The following STAU2 variants were observed in gnomAD, a reference collection of about 807,000 sequenced individuals.
The protein encoded by STAU2 is double-stranded RNA-binding protein Staufen homolog 2.
In STAU2, 20 loss-of-function variants were observed where a neutral mutation model predicts 65.9. That is an observed-to-expected ratio of 0.30 (90% CI 0.21 to 0.44). The LOEUF (loss-of-function observed/expected upper bound fraction) is 0.44. Among genes scored for constraint, STAU2 ranks in the 20% least tolerant of loss-of-function variants. The pLI is 1.00. For missense variants in STAU2, 558 were observed against 683.9 expected (o/e 0.82, Z 2.05); for synonymous variants, 232 against 233.9 (o/e 0.99, Z 0.07).
At chr8:73,747,257 C>T, upstream of STAU2, 2 of 1,123,832 alleles carry the variant, frequency 1.8e-6, no homozygotes, top group Non-Finnish European at 1.2e-6. Context: ...CGACTCCCCG[C>T]CCCCTCGTCT....
intron 13 of STAU2, among the ~76,000 whole-genome samples, chr8:73,436,832 C>A (rs1817733347): frequency 6.6e-6 from 1 of 151,982 alleles, no homozygotes; most frequent in African/African-American, 2.4e-5. Context: ...GGTGATCTGC[C>A]CGCCTCAACC....
At chr8:73,744,386 C>A (rs1247790243) in intron 1 of STAU2, among the ~76,000 whole-genome samples, 1 of 151,094 alleles carries the variant, frequency 6.6e-6, no homozygotes, top group Non-Finnish European at 1.5e-5. Context: ...TAGAGTTTTC[C>A]CTCTTTATTA....
intron 12 of STAU2, among the ~76,000 whole-genome samples, chr8:73,557,001 T>C (rs1244111592): frequency 6.7e-6 from 1 of 148,464 alleles, no homozygotes; most frequent in African/African-American, 2.5e-5. Context: ...TTTTACTATC[T>C]GCATAAACAT....
chr8:73,568,048 A>G (rs1442447986), intron 12 of STAU2, among the ~76,000 whole-genome samples: 4 of 152,196 alleles, frequency 2.6e-5, no homozygotes, highest in Non-Finnish European at 5.9e-5. Flanking sequence ...TTTTAGGGAA[A>G]CTATCTGCAC....
chr8:73,741,373 A>G (rs138800622), intron 1 of STAU2, among the ~76,000 whole-genome samples: 9 of 152,134 alleles, frequency 5.9e-5, no homozygotes, highest in African/African-American at 2.2e-4. Context: ...CTTTATTAGT[A>G]TACGTTGCTA....
At chr8:73,516,882 T>C (rs1488511404) in intron 13 of STAU2, among the ~76,000 whole-genome samples, 1 of 152,214 alleles carries the variant, frequency 6.6e-6, no homozygotes, top group African/African-American at 2.4e-5. Flanking sequence ...GCAACAGTTT[T>C]CCACTATAAC....
chr8:73,442,987 G>A (rs1818272966), intron 13 of STAU2, among the ~76,000 whole-genome samples: 1 of 152,108 alleles, frequency 6.6e-6, no homozygotes, highest in Admixed American at 6.6e-5. Flanking sequence ...TATAAATTTG[G>A]GGCAAAATGT....
chr8:73,595,431 TAAGA>T lies in STAU2; in HGVS notation c.1030-138_1030-135del, dbSNP rs568840010. 217 of 722,956 alleles carry T rather than the reference TAAGA, an allele frequency of 3.0e-4. 2 individuals are homozygous for T. In the East Asian group the frequency reaches 5.1e-3, roughly 17 times the overall value. The allele number at this position is 722,956 out of a possible 1,614,324, so 44.8% of individuals were successfully genotyped here. On this transcript the variant is annotated intron_variant, in intron 10 of 14. Transcript: ENST00000524300. Reference sequence around the variant, plus strand: ...TTCAGTCCAAAGTAAAAATGGCAACTAAGATAACATTTATGTAATGTTGTATATG... The same window carrying T: ...TTCAGTCCAAAGTAAAAATGGCAACTTAACATTTATGTAATGTTGTATATG...
chr8:73,639,655 C>T (rs1476937750), intron 6 of STAU2, among the ~76,000 whole-genome samples: 1 of 152,094 alleles, frequency 6.6e-6, no homozygotes, highest in Non-Finnish European at 1.5e-5. Flanking sequence ...ACCGTAGAGG[C>T]TCCTACATAT....
At chr8:73,658,519 A>C (rs185974294) in intron 6 of STAU2, among the ~76,000 whole-genome samples, 2 of 152,364 alleles carry the variant, frequency 1.3e-5, no homozygotes, top group East Asian at 3.9e-4. Context: ...CCCAGAATTT[A>C]TTAGACACAA....
At chr8:73,688,943 T>C (rs1276300635) in intron 4 of STAU2, 130 bp from the exon 5 acceptor site, 1 of 1,048,180 alleles carries the variant, frequency 9.5e-7, no homozygotes, top group African/African-American at 1.6e-5. Context: ...CTACAGATCA[T>C]CTGCAACAAA....
chr8:73,700,766 A>G (rs1356184514), intron 4 of STAU2, among the ~76,000 whole-genome samples: 1 of 152,192 alleles, frequency 6.6e-6, no homozygotes, highest in African/African-American at 2.4e-5. Context: ...GAAATAGGAA[A>G]AACAATTCTA....
At chr8:73,651,939 T>C (rs1272084273) in intron 6 of STAU2, among the ~76,000 whole-genome samples, 1 of 152,218 alleles carries the variant, frequency 6.6e-6, no homozygotes, top group Non-Finnish European at 1.5e-5. Flanking sequence ...CTGGAGAATA[T>C]ATTTATTAAA....
Position 73,603,841 on chromosome 8 carries a change from C to G in STAU2, c.914G>C (p.Gly305Ala). The part of the protein sequence containing the change: ...IVKAGPEYGQ[G>A]MNPISRLAQI... ...CGCCAGGCGGCTAATAGGGTTCATC[C>G]CTTGGCCATATTCTGGTCCGGCCTA... is the stretch of plus-strand genomic sequence containing the variant. The change falls in exon 10 of 15, where the codon GGG becomes GCG. Residue 305 changes from glycine (G) to alanine (A), a missense_variant. By Grantham distance (60) the Gly-to-Ala change is moderately conservative. Coordinates refer to ENST00000524300, the MANE Select transcript of STAU2 (RefSeq NM_001164380.2). The G allele has an allele frequency of 6.2e-7, 1 of 1,609,852 alleles. No homozygotes were observed. Among genetic ancestry groups the G allele is most frequent in the Non-Finnish European group, 8.5e-7 (1 of 1,179,102 alleles).
rs181404823 is a variant in STAU2 at position 73,610,573 on chromosome 8, G to A, written c.891+3171C>T. Among the ~76,000 whole-genome samples the A allele has an allele frequency of 4.8e-3, 732 of 151,354 alleles. 8 individuals are homozygous for A. Among genetic ancestry groups the A allele is most frequent in the African/African-American group, 0.017 (697 of 41,260 alleles). The stretch of plus-strand genomic sequence containing the variant: ...AAAAAAAAAAAGGCAGCGGGGGAGG[G>A]GATGACTTGGTTTCTTGCTCTGATT... On this transcript the variant is annotated intron_variant, in intron 9 of 14. Transcript: ENST00000524300.
chr8:73,427,878 T>A (rs1585724589), intron 13 of STAU2, among the ~76,000 whole-genome samples: 1 of 152,290 alleles, frequency 6.6e-6, no homozygotes, highest in Non-Finnish European at 1.5e-5. Context: ...GCATAAATTC[T>A]GAAATTTATG....
At chr8:73,706,141 G>C (rs553945368) in intron 4 of STAU2, among the ~76,000 whole-genome samples, 1 of 151,710 alleles carries the variant, frequency 6.6e-6, no homozygotes, top group African/African-American at 2.4e-5. Context: ...TTTTGAGACC[G>C]AGTCTCACTC....
intron 13 of STAU2, among the ~76,000 whole-genome samples, chr8:73,502,632 C>G (rs1166450625): frequency 6.6e-6 from 1 of 152,022 alleles, no homozygotes; most frequent in Non-Finnish European, 1.5e-5. Context: ...AGAGGGAGCT[C>G]TGGTTCATCC....
intron 7 of STAU2, among the ~76,000 whole-genome samples, chr8:73,616,833 A>C (rs113204971): frequency 6.6e-6 from 1 of 152,054 alleles, no homozygotes; most frequent in Non-Finnish European, 1.5e-5. Flanking sequence ...TATGTATAGG[A>C]CATGCCTGAG....
Sources: gnomAD v4.1 joint callset for allele counts (sites outside exome capture counted in the v4.1 genomes callset) on GRCh38, gnomAD v4.1.1 for gene constraint, MANE v1.5 for transcripts, NCBI Gene and HGNC (gene_info 2026-07-23, HGNC 2026-07-21) for gene names.